The following ADGRG4 variants were observed in gnomAD, a reference collection of about 807,000 sequenced individuals.
ADGRG4 encodes G protein-coupled receptor 112.
A neutral mutation model predicts 126.2 loss-of-function variants in ADGRG4; 122 were observed. The ratio of observed to expected loss-of-function variants is 0.97; its 90% confidence interval spans 0.83 to 1.12. The LOEUF is 1.12. Among genes scored for constraint, ADGRG4 ranks in the 50% most tolerant of loss-of-function variants. ADGRG4 has a pLI of 0.00. For synonymous variants in ADGRG4, 943 were observed against 838.7 expected (o/e 1.12, Z -2.15); for missense variants, 2,481 against 2,251.8 (o/e 1.10, Z -2.06).
At chrX:136,334,113 T>C (rs1408231280) in intron 5 of ADGRG4, among the ~76,000 whole-genome samples, 3 of 100,098 alleles carry the variant, frequency 3.0e-5, no homozygotes, top group Non-Finnish European at 6.1e-5. Flanking sequence ...TCTTTCTTTC[T>C]TTCTTTCTTT....
At chrX:136,341,153 T>G (rs1344099347) in intron 5 of ADGRG4, among the ~76,000 whole-genome samples, 2 of 112,069 alleles carry the variant, frequency 1.8e-5, no homozygotes, top group African/African-American at 6.5e-5. Context: ...TTGCTACATC[T>G]ATGGCTCAGC....
chrX:136,408,476 T>A (rs895788203), intron 23 of ADGRG4, among the ~76,000 whole-genome samples: 10 of 112,651 alleles, frequency 8.9e-5, no homozygotes, highest in African/African-American at 3.2e-4. Context: ...GTACTTGGTT[T>A]TCTGTTCCTT....
In ADGRG4 at chrX:136,346,175, G is replaced by A. The variant is rs773990612; in HGVS notation, c.2469G>A (p.Thr823=). Residue 823 remains threonine (T), a synonymous_variant, in exon 6 of 26, where the codon ACG becomes ACA. Coordinates refer to ENST00000394143, the MANE Select transcript of ADGRG4 (RefSeq NM_153834.4). ...INGAIVFGGT[T]TPVPKSATTQ... The stretch of plus-strand genomic sequence containing the variant: ...GTGCAATTGTATTTGGAGGTACAAC[G>A]ACCCCTGTACCAAAGTCAGCAACAA... The A allele has an allele frequency of 3.3e-6, 4 of 1,206,557 alleles. No homozygotes were observed. The highest frequency in any genetic ancestry group is 4.4e-5 in the Admixed American group (2 of 45,344).
chrX:136,350,121 ACT>A lies in ADGRG4; in HGVS notation c.6418_6419del (p.Leu2140IlefsTer9), dbSNP rs778335060. 3.3e-6 allele frequency: 4 copies of A among 1,207,478 alleles called. No homozygotes were observed. The highest frequency in any genetic ancestry group is 4.5e-6 in the Non-Finnish European group (4 of 892,400). On this transcript the variant is annotated frameshift_variant, in exon 6 of 26. Transcript: ENST00000394143. LOFTEE classifies it high-confidence loss of function. ...TATGTCACCTTCTACAACTGACCAC[ACT>A]CTATCTGTTGGTGCCATGCCTCTGC... ...KTMSPSTTDHTLSVGAMPLPS... is the reference protein window; with the variant it reads ...KTMSPSTTDHXLSVGAMPLPS...
chrX:136,415,884 C>T (rs771155827), intron 25 of ADGRG4, among the ~76,000 whole-genome samples: 1 of 111,976 alleles, frequency 8.9e-6, no homozygotes, highest in African/African-American at 3.2e-5. Flanking sequence ...AAGCAATCGA[C>T]CTGGAAAACC....
rs776742810 is a variant in ADGRG4, at chrX:136,348,079, G to A, written c.4373G>A (p.Ser1458Asn). ...TCAGTTGCCTCTTTCATTTCTGAAA[G>A]CACACAGACTTTCCCTGAGTCCTTG... ...VTSVASFISE[S>N]TQTFPESLSL... is the part of the protein sequence containing the mutation. Residue 1458 changes from serine (S) to asparagine (N), a missense_variant, in exon 6 of 26, where the codon AGC (serine) becomes AAC (asparagine). Transcript: ENST00000394143. 3.3e-6 allele frequency: 4 copies of A among 1,207,974 alleles called. No homozygotes were observed. The highest frequency in any genetic ancestry group is 2.2e-5 in the Admixed American group (1 of 45,764).
chrX:136,306,374 T>C (rs1407157956), intron 3 of ADGRG4, among the ~76,000 whole-genome samples: 1 of 111,982 alleles, frequency 8.9e-6, no homozygotes, highest in Non-Finnish European at 1.9e-5. Context: ...TTCCTCTTTC[T>C]TTACTTTTCC....
rs2075002129 is a variant in ADGRG4, at chrX:136,344,820, A to G, written c.1114A>G (p.Asn372Asp). The change falls in exon 6 of 26, where the codon AAT (asparagine) becomes GAT (aspartate). Residue 372 changes from asparagine (N) to aspartate (D), a missense_variant. Transcript: ENST00000394143. ...TEIFQPPTPS[N>D]FLSTSRFTKN... ...AATCTTTCAACCACCTACACCTTCTAATTTCCTATCCACATCCAGATTTAC... is the reference window on the plus strand; with the variant it reads ...AATCTTTCAACCACCTACACCTTCTGATTTCCTATCCACATCCAGATTTAC... 2 of 1,205,868 alleles carry G rather than the reference A, an allele frequency of 1.7e-6. No homozygotes were observed. Among genetic ancestry groups the G allele is most frequent in the African/African-American group, 3.5e-5 (2 of 57,246 alleles).
chrX:136,350,103 C>T lies in ADGRG4; in HGVS notation c.6397C>T (p.Pro2133Ser). 1 of 1,208,588 alleles carries T rather than the reference C, an allele frequency of 8.3e-7. No homozygotes were observed. The highest frequency in any genetic ancestry group is 3.0e-5 in the East Asian group (1 of 33,811). ...PSSFSRKTMS[P>S]STTDHTLSVG... ...ATCCTTCAGCAGAAAGACTATGTCACCTTCTACAACTGACCACACTCTATC... is the reference window on the plus strand; with the variant it reads ...ATCCTTCAGCAGAAAGACTATGTCATCTTCTACAACTGACCACACTCTATC... Residue 2133 changes from proline to serine, a missense_variant, in exon 6 of 26, where the codon CCT (proline) becomes TCT (serine). Transcript: ENST00000394143.
intron 19 of ADGRG4, among the ~76,000 whole-genome samples, chrX:136,397,406 T>C (rs2075355541): frequency 9.0e-6 from 1 of 110,797 alleles, no homozygotes; most frequent in East Asian, 2.8e-4. Flanking sequence ...TTAATAGTAA[T>C]TAATAAATCA....
At chrX:136,360,465 G>A (rs2075121421) in intron 11 of ADGRG4, among the ~76,000 whole-genome samples, 1 of 111,680 alleles carries the variant, frequency 9.0e-6, no homozygotes. Flanking sequence ...GCCCTAGACT[G>A]TGTGCAGTGG....
At chrX:136,387,576 CTGTG>C (rs757720379) in intron 15 of ADGRG4, among the ~76,000 whole-genome samples, 160 bp from the exon 16 acceptor site, 1 of 109,375 alleles carries the variant, frequency 9.1e-6, no homozygotes, top group Non-Finnish European at 1.9e-5. Context: ...TGGCCTGTGA[CTGTG>C]TGTGTGTGTG....
intron 11 of ADGRG4, among the ~76,000 whole-genome samples, chrX:136,361,230 TA>T (rs910122637): frequency 3.7e-4 from 39 of 104,476 alleles, no homozygotes; most frequent in African/African-American, 9.0e-4. Context: ...GTTTATTATT[TA>T]AAAAAAAAAC....
At chrX:136,306,730 T>C (rs2074735902) in intron 3 of ADGRG4, among the ~76,000 whole-genome samples, 1 of 108,240 alleles carries the variant, frequency 9.2e-6, no homozygotes, top group Non-Finnish European at 1.9e-5. Flanking sequence ...TTTTTTTTTT[T>C]TGGAGACAGA....
At chrX:136,351,718 T>C (rs1260122626) in intron 7 of ADGRG4, among the ~76,000 whole-genome samples, 177 bp downstream of exon 7, 1 of 109,168 alleles carries the variant, frequency 9.2e-6, no homozygotes, top group Non-Finnish European at 1.9e-5. Flanking sequence ...AGCAACATCA[T>C]GAGAATGTAT....
chrX:136,337,102 C>T (rs761739279), intron 5 of ADGRG4, among the ~76,000 whole-genome samples: 45 of 110,989 alleles, frequency 4.1e-4, no homozygotes, highest in Admixed American at 1.2e-3. Context: ...GTAGCTGGGA[C>T]TATAGGTGTG....
In ADGRG4 at chrX:136,356,070, T is replaced by A. The variant is rs1380224946; in HGVS notation, c.6888-56T>A. On this transcript the variant is annotated intron_variant, in intron 8 of 25. Coordinates refer to ENST00000394143, the MANE Select transcript of ADGRG4 (RefSeq NM_153834.4). Reference sequence around the variant, plus strand: ...TTGCCTTTCTCCTGATCTCATGCCCTGTATACTTGGTACTATATTTCATTT... The same window carrying A: ...TTGCCTTTCTCCTGATCTCATGCCCAGTATACTTGGTACTATATTTCATTT... 13 of 914,053 alleles carry A rather than the reference T, an allele frequency of 1.4e-5. 1 individual carries two copies. In the East Asian group the frequency reaches 1.9e-4, roughly 13 times the overall value. 75.3% of individuals were successfully genotyped at this position (914,053 alleles called of 1,213,427 possible). A position where few individuals can be genotyped will look rare whatever the true frequency, so the allele number is the denominator to read the frequency against.
intron 5 of ADGRG4, among the ~76,000 whole-genome samples, chrX:136,333,988 A>G (rs1483975823): frequency 9.0e-6 from 1 of 111,478 alleles, no homozygotes; most frequent in African/African-American, 3.3e-5. Flanking sequence ...TAAATATTCC[A>G]TAGCTTTGTA....
chrX:136,337,147 T>C (rs113666632), intron 5 of ADGRG4, among the ~76,000 whole-genome samples: 2 of 111,449 alleles, frequency 1.8e-5, no homozygotes, highest in Non-Finnish European at 3.8e-5. Flanking sequence ...AAAAAATTTT[T>C]TGATAGAGAT....
Sources: gnomAD v4.1 joint callset for allele counts (sites outside exome capture counted in the v4.1 genomes callset) on GRCh38, gnomAD v4.1.1 for gene constraint, MANE v1.5 for transcripts, NCBI Gene and HGNC (gene_info 2026-07-23, HGNC 2026-07-21) for gene names.